The following COL9A1 variants were observed in gnomAD, a reference collection of about 807,000 sequenced individuals.
COL9A1 encodes the protein collagen alpha-1(IX) chain.
In COL9A1, 104 loss-of-function variants were observed where a neutral mutation model predicts 142.6. That is an observed-to-expected ratio of 0.73 (90% confidence interval 0.62 to 0.86). The LOEUF (loss-of-function observed/expected upper bound fraction) is 0.86, where lower values mean the gene tolerates loss of function less well. COL9A1 is among the 40% of genes least tolerant of loss of function. The pLI is 0.00. For synonymous variants in COL9A1, 466 were observed against 396.0 expected, an observed-to-expected ratio of 1.18 and a Z score of -2.10; for missense variants, 1,210 against 1,176.6, an observed-to-expected ratio of 1.03 and a Z score of -0.42.
At chr6:70,249,637 G>A (rs79358958) in intron 28 of COL9A1, among the ~76,000 whole-genome samples, 6,950 of 152,176 alleles carry the variant, frequency 0.046, 323 homozygotes, top group East Asian at 0.14. Context: ...CTGAGGTTTT[G>A]AGCCTCAGGG....
Position 70,234,788 on chromosome 6 carries a change from A to T in COL9A1, c.2259+6T>A. 2 of 1,613,880 alleles carry T rather than the reference A, an allele frequency of 1.2e-6. No individual in the cohort carries two copies. Among genetic ancestry groups the T allele is most frequent in the South Asian group, 2.2e-5 (2 of 91,048 alleles). ...AGGGAAACCACAGAAGCTGCCCACC[A>T]CTCACCGGAGGGCCCTGGACACCAG... On this transcript the variant is annotated splice_donor_region_variant and intron_variant, in intron 34 of 37. Coordinates refer to ENST00000357250, the MANE Select transcript of COL9A1 (RefSeq NM_001851.6).
intron 13 of COL9A1, 115 bp downstream of exon 13, chr6:70,271,950 G>A: frequency 9.1e-7 from 1 of 1,100,782 alleles, no homozygotes; most frequent in Non-Finnish European, 1.4e-6. Flanking sequence ...AGATCTTGCA[G>A]GTAGAACACT....
rs1394625215 is a variant in COL9A1 at position 70,256,775 on chromosome 6, C to T, written c.1496G>A (p.Gly499Asp). 2 of 1,612,448 alleles carry T rather than the reference C, an allele frequency of 1.2e-6. No individual in the cohort carries two copies. The highest frequency in any genetic ancestry group is 1.7e-6 in the Non-Finnish European group (2 of 1,179,772). ...GGAAGGAAAATCACTTACAGGTGCACCAGGAAGACCCTGAGGCCCAGGTTC... is the reference window on the plus strand; with the variant it reads ...GGAAGGAAAATCACTTACAGGTGCATCAGGAAGACCCTGAGGCCCAGGTTC... ...DGEPGPQGLP[G>D]APGDQGQRGP... The change falls in exon 21 of 38, where the codon GGT (glycine) becomes GAT (aspartate). Residue 499 changes from glycine to aspartate, a missense_variant. Physicochemically the swap from Gly to Asp is moderately conservative, Grantham distance 94. Transcript: ENST00000357250.
At chr6:70,218,173 G>A (rs1768646690) in intron 37 of COL9A1, among the ~76,000 whole-genome samples, 1 of 152,098 alleles carries the variant, frequency 6.6e-6, no homozygotes, top group Admixed American at 6.6e-5. Flanking sequence ...TTCTACAATT[G>A]GAAGCACCTG....
Position 70,251,869 on chromosome 6 carries a change from C to T in COL9A1, c.1872+251G>A, listed in dbSNP as rs550178397. ...CAACGTTGGGTCTTTTTAAATCACA[C>T]TAAAATATTTCCTTAAACATGGGGT... On this transcript the variant is annotated intron_variant, in intron 28 of 37. Coordinates refer to ENST00000357250, the MANE Select transcript of COL9A1 (RefSeq NM_001851.6). Among the ~76,000 whole-genome samples, 6 of 152,262 alleles carry T rather than the reference C, an allele frequency of 3.9e-5. 1 individual carries two copies. In the South Asian group the frequency reaches 1.2e-3, roughly 32 times the overall value.
intron 14 of COL9A1, 33 bp downstream of exon 14, chr6:70,271,622 C>T (rs1772405684): frequency 1.9e-6 from 3 of 1,604,552 alleles, no homozygotes; most frequent in Non-Finnish European, 2.6e-6. Flanking sequence ...ATTAAATCAG[C>T]AAACGTCTAT....
chr6:70,215,787 G>A (rs906410030), downstream of COL9A1: 1 of 152,108 alleles, frequency 6.6e-6, no homozygotes, highest in Non-Finnish European at 1.5e-5. Context: ...AGCAAGGCTA[G>A]ACTTAAAAAA....
chr6:70,267,328 T>TTTTTTTTTTTTG (rs1562314525), intron 17 of COL9A1, among the ~76,000 whole-genome samples: 1 of 74,068 alleles, frequency 1.4e-5, no homozygotes, highest in African/African-American at 6.2e-5. Context: ...GGTTTTTTTG[T>TTTTTTTTTTTTG]TTTTTTTTTT....
intron 28 of COL9A1, chr6:70,245,810 C>T (rs1433102988): frequency 6.6e-6 from 1 of 152,128 alleles, no homozygotes; most frequent in Non-Finnish European, 1.5e-5. Flanking sequence ...CAAAAATTAG[C>T]TTGGCGTGGT....
In COL9A1 at chr6:70,234,618, A is replaced by G. The variant is rs745712171; in HGVS notation, c.2260-25T>C. On this transcript the variant is annotated intron_variant, in intron 34 of 37. Transcript: ENST00000357250. ...CCTGGGACAGAAAAGAAAAAAAGGC[A>G]GTTTATGCATGAAACCATAAAGAGA... The G allele has an allele frequency of 7.4e-6, 12 of 1,614,008 alleles. No homozygotes were observed. In the Admixed American group the frequency reaches 1.8e-4, roughly 25 times the overall value.
chr6:70,281,024 T>C lies in COL9A1; in HGVS notation c.892A>G (p.Lys298Glu), dbSNP rs1265422552. The C allele has an allele frequency of 6.2e-7, 1 of 1,612,030 alleles. No homozygotes were observed. Among genetic ancestry groups the C allele is most frequent in the South Asian group, 1.1e-5 (1 of 90,982 alleles). The change falls in exon 9 of 38, where the codon AAG (lysine) becomes GAG (glutamate). Residue 298 changes from lysine (K) to glutamate (E), a missense_variant. Physicochemically the swap from Lys to Glu is moderately conservative, Grantham distance 56. Coordinates refer to ENST00000357250, the MANE Select transcript of COL9A1 (RefSeq NM_001851.6). ...IDGIDGDRGP[K>E]GPPGPPGPAG... ...CTTACCGGGGGGCCCGGGGGGCCCT[T>C]AGGACCTCGGTCACCCTGGAGGGGT... is the stretch of plus-strand genomic sequence containing the variant.
chr6:70,228,154 A>ACAGTGTCTACATTT (rs1231382043), intron 36 of COL9A1, among the ~76,000 whole-genome samples: 2 of 152,130 alleles, frequency 1.3e-5, no homozygotes, highest in African/African-American at 4.8e-5. Context: ...GTGTGTTGTT[A>ACAGTGTCTACATTT]CAGTGTCTAC....
At position 70,254,950 on chromosome 6, in the gene COL9A1, T is replaced by A. The variant is rs748805630; in HGVS notation, c.1665+13A>T. The A allele has an allele frequency of 7.4e-5, 120 of 1,613,734 alleles. 3 individuals are homozygous for A. In the South Asian group the frequency reaches 1.3e-3, roughly 17 times the overall value. On this transcript the variant is annotated intron_variant, in intron 24 of 37. Transcript: ENST00000357250. ...CAGCCCCACTCACTCTTGGAGTAAA[T>A]TACACAGCCTACCTTTGTTCCAGGC...
In COL9A1 at chr6:70,234,857, A is replaced by G. The variant is rs1769800867; in HGVS notation, c.2196T>C (p.Pro732=). Residue 732 remains proline, a synonymous_variant, in exon 34 of 38, where the codon CCT becomes CCC. Transcript: ENST00000357250. ...LPGVEGPRGP[P]GPRGVQGEQG... ...GTTCTCCCTGCACACCCCGGGGTCC[A>G]GGTGGTCCTCTTGGTCCTTCCACTC... 6.2e-7 allele frequency: 1 copy of G among 1,614,050 alleles called. No homozygotes were observed. The highest frequency in any genetic ancestry group is 1.3e-5 in the African/African-American group (1 of 74,938).
intron 9 of COL9A1, 39 bp downstream of exon 9, chr6:70,280,965 A>G: frequency 1.2e-6 from 2 of 1,613,550 alleles, no homozygotes; most frequent in Non-Finnish European, 1.7e-6. Context: ...ACACGTCTAA[A>G]GGAAGGAAGT....
intron 19 of COL9A1, among the ~76,000 whole-genome samples, chr6:70,262,658 A>C (rs76602763): frequency 6.6e-6 from 1 of 152,222 alleles, no homozygotes; most frequent in African/African-American, 2.4e-5. Context: ...TTTTAATGTA[A>C]TACAAAATAA....
chr6:70,294,361 C>T lies in COL9A1; in HGVS notation c.502G>A (p.Ala168Thr), dbSNP rs1288520254. The T allele has an allele frequency of 2.5e-6, 4 of 1,614,084 alleles. No homozygotes were observed. The highest frequency in any genetic ancestry group is 1.7e-5 in the Admixed American group (1 of 60,006). Residue 168 changes from alanine (A) to threonine (T), a missense_variant, in exon 5 of 38, where the codon GCC becomes ACC. Transcript: ENST00000357250. Reference sequence around the variant, plus strand: ...AACAAGGAGGACAAATTCGAAAAGGCTGCTGTTTGGAGACTTCCATCCAGT... The same window carrying T: ...AACAAGGAGGACAAATTCGAAAAGGTTGCTGTTTGGAGACTTCCATCCAGT... ...KGLDGSLQTA[A>T]FSNLSSLFDS...
chr6:70,281,019 G>C lies in COL9A1; in HGVS notation c.897C>G (p.Gly299=). 2 of 1,612,558 alleles carry C rather than the reference G, an allele frequency of 1.2e-6. No individual in the cohort carries two copies. Among genetic ancestry groups the C allele is most frequent in the Non-Finnish European group, 8.5e-7 (1 of 1,179,472 alleles). ...DGIDGDRGPK[G]PPGPPGPAGE... ...ATCAACTTACCGGGGGGCCCGGGGG[G>C]CCCTTAGGACCTCGGTCACCCTGGA... The change falls in exon 9 of 38, where the codon GGC becomes GGG. Residue 299 remains glycine (G), a synonymous_variant. Transcript: ENST00000357250.
At chr6:70,272,234 C>A in intron 12 of COL9A1, 146 bp from the exon 13 acceptor site, 57 of 595,744 alleles carry the variant, frequency 9.6e-5, no homozygotes, top group Middle Eastern at 9.7e-4. Context: ...TAAAGAAAAG[C>A]AAACACGGCT....
Sources: gnomAD v4.1 joint callset for allele counts (sites outside exome capture counted in the v4.1 genomes callset) on GRCh38, gnomAD v4.1.1 for gene constraint, MANE v1.5 for transcripts, NCBI Gene and HGNC (gene_info 2026-07-23, HGNC 2026-07-21) for gene names.